The following USP42 variants were observed in gnomAD, a reference collection of about 807,000 sequenced individuals.
The protein encoded by USP42 is ubiquitin specific peptidase 42, also known as ubiquitin carboxyl-terminal hydrolase 42.
USP42 carries 23 observed loss-of-function variants against 113.0 expected under a neutral mutation model. The observed-to-expected ratio is 0.20, with a 90% CI of 0.15 to 0.29. The LOEUF (loss-of-function observed/expected upper bound fraction) is 0.29. Ranked by LOEUF, USP42 falls within the 10% of genes least tolerant of loss-of-function variation. The pLI is 1.00. For missense variants in USP42, 2,174 were observed against 1,779.8 expected (o/e 1.22, Z -3.99); for synonymous variants, 933 against 699.0 (o/e 1.33, Z -5.28).
upstream of USP42, among the ~76,000 whole-genome samples, chr7:6,101,993 A>T (rs952734232): frequency 4.7e-5 from 7 of 150,214 alleles, no homozygotes; most frequent in South Asian, 8.3e-4. Context: ...GAATTGCTTG[A>T]ACCTGGGAGG....
chr7:6,083,801 T>C, the USP42 span, among the ~76,000 whole-genome samples: 2 of 150,896 alleles, frequency 1.3e-5, no homozygotes, highest in Non-Finnish European at 2.9e-5. Flanking sequence ...CCTCTTTTTT[T>C]CCCCTTCCTT....
chr7:6,145,827 T>C (rs1329211257), intron 10 of USP42, among the ~76,000 whole-genome samples, 171 bp downstream of exon 10: 1 of 152,196 alleles, frequency 6.6e-6, no homozygotes. Context: ...CCCTACACTT[T>C]GGGAGACTGA....
the USP42 span, among the ~76,000 whole-genome samples, chr7:6,085,419 C>T: frequency 6.6e-6 from 1 of 150,648 alleles, no homozygotes; most frequent in Non-Finnish European, 1.5e-5. Flanking sequence ...GCCACCGTGC[C>T]CGGCCACCAT....
In USP42 at chr7:6,158,122, C is replaced by G. The variant is rs572130904; in HGVS notation, c.3943+1067C>G. ...CTTTTTAAGTGGTTGGAAATAATCC[C>G]AAAGAACAATGCGTTTCACATGAAA... On this transcript the variant is annotated intron_variant, in intron 16 of 17. Coordinates refer to ENST00000306177, the MANE Select transcript of USP42 (RefSeq NM_032172.3). The surrounding 1 kb of genome is among the most constrained non-coding windows in gnomAD (Gnocchi z 4.2). Among the ~76,000 whole-genome samples, 1 of 152,310 alleles carries G rather than the reference C, an allele frequency of 6.6e-6. No homozygotes were observed. The highest frequency in any genetic ancestry group is 2.1e-4 in the South Asian group (1 of 4,824).
chr7:6,151,255 A>T (rs1782031548), intron 14 of USP42, among the ~76,000 whole-genome samples: 1 of 152,196 alleles, frequency 6.6e-6, no homozygotes, highest in Admixed American at 6.5e-5. Flanking sequence ...TAGACTCTGG[A>T]AACACTGCAC....
rs1401492454 is a variant in USP42, at chr7:6,111,224, A to G, written c.91A>G (p.Met31Val). 1 of 1,610,586 alleles carries G rather than the reference A, an allele frequency of 6.2e-7. No homozygotes were observed. Among genetic ancestry groups the G allele is most frequent in the Non-Finnish European group, 8.5e-7 (1 of 1,178,350 alleles). ...CTCCGAGGCAGTCTCACCTGGAGAC[A>G]TGGATGCAGGTTCTGCCAGCTGGGG... ...GSSEAVSPGDMDAGSASWGAV... is the reference protein window; with the variant it reads ...GSSEAVSPGDVDAGSASWGAV... Residue 31 changes from methionine (M) to valine (V), a missense_variant, in exon 2 of 18, where the codon ATG becomes GTG. Transcript: ENST00000306177.
the USP42 span, among the ~76,000 whole-genome samples, chr7:6,095,956 A>C: frequency 6.7e-6 from 1 of 150,174 alleles, no homozygotes; most frequent in Non-Finnish European, 1.5e-5. Flanking sequence ...GTAGAGACAG[A>C]GTCTTACTGT....
chr7:6,146,558 G>C (rs917027118), intron 11 of USP42, among the ~76,000 whole-genome samples: 1 of 152,022 alleles, frequency 6.6e-6, no homozygotes, highest in African/African-American at 2.4e-5. Flanking sequence ...TATCTGCTCC[G>C]AAAGTTGAGG....
At chr7:6,116,184 A>G (rs1007696672) in intron 3 of USP42, among the ~76,000 whole-genome samples, 2 of 151,522 alleles carry the variant, frequency 1.3e-5, no homozygotes, top group African/African-American at 4.9e-5. Context: ...TGGCATTTAT[A>G]TCATGTTGGA....
At chr7:6,101,334 A>G (rs910362511), upstream of USP42, among the ~76,000 whole-genome samples, 1 of 151,118 alleles carries the variant, frequency 6.6e-6, no homozygotes, top group Non-Finnish European at 1.5e-5. Flanking sequence ...CCTGACACCT[A>G]TTGTTCCATG....
At chr7:6,104,796 T>C (rs1449335112), upstream of USP42, 2 of 151,418 alleles carry the variant, frequency 1.3e-5, no homozygotes, top group South Asian at 2.1e-4. Context: ...TCGCCGTGCT[T>C]GTTAGCTGCG....
At chr7:6,152,114 C>T (rs1361888080) in intron 14 of USP42, among the ~76,000 whole-genome samples, 1 of 152,198 alleles carries the variant, frequency 6.6e-6, no homozygotes, top group African/African-American at 2.4e-5. Context: ...TGTCATGCAG[C>T]GTCAGTGGCT....
intron 4 of USP42, among the ~76,000 whole-genome samples, chr7:6,137,568 G>C (rs1164966249): frequency 2.0e-5 from 3 of 152,232 alleles, no homozygotes; most frequent in Non-Finnish European, 2.9e-5. Context: ...ATGTTGGCCA[G>C]GCTGGCCTTG....
chr7:6,116,073 C>T (rs1779894706), intron 3 of USP42, among the ~76,000 whole-genome samples: 1 of 146,810 alleles, frequency 6.8e-6, no homozygotes, highest in African/African-American at 2.6e-5. Context: ...TGCTGTACTT[C>T]AGCCTAGACA....
chr7:6,154,558 C>CACGGCG lies in USP42; in HGVS notation c.3007_3012dup (p.Gly1003_Asp1004dup), dbSNP rs746044698. 3.1e-5 allele frequency: 48 copies of CACGGCG among 1,551,006 alleles called. 1 individual carries two copies. The Middle Eastern group carries it at 8.5e-4, about 28-fold the overall frequency. On this transcript the variant is annotated inframe_insertion, in exon 15 of 18. Coordinates refer to ENST00000306177, the MANE Select transcript of USP42 (RefSeq NM_032172.3). ...CCACGCCCCGGAGCACCACCCCGGCCACGGCGACAGGCTCAGCCCTGGCGA... is the reference window on the plus strand; with the variant it reads ...CCACGCCCCGGAGCACCACCCCGGCCACGGCGACGGCGACAGGCTCAGCCCTGGCGA...
chr7:6,088,837 G>A, the USP42 span: 3 of 150,830 alleles, frequency 2.0e-5, no homozygotes, highest in East Asian at 1.9e-4. Context: ...GATGATGGAC[G>A]TGGTATGGGA....
chr7:6,107,684 C>T (rs1167153793), intron 1 of USP42, among the ~76,000 whole-genome samples: 1 of 152,140 alleles, frequency 6.6e-6, no homozygotes, highest in African/African-American at 2.4e-5. Context: ...GCTGGGATTA[C>T]AGGTGTGAGC....
chr7:6,135,127 C>A (rs1020169916), intron 3 of USP42, among the ~76,000 whole-genome samples: 8 of 152,066 alleles, frequency 5.3e-5, no homozygotes, highest in African/African-American at 1.7e-4. Context: ...GGGAGACTTT[C>A]TTTTAGTGTT....
intron 1 of USP42, among the ~76,000 whole-genome samples, chr7:6,106,393 A>G (rs1377143240): frequency 6.6e-6 from 1 of 152,238 alleles, no homozygotes; most frequent in Non-Finnish European, 1.5e-5. Flanking sequence ...ACAGTGTCTA[A>G]ATAGTGAAAC....
Sources: allele counts gnomAD v4.1 joint callset (sites outside exome capture counted in the v4.1 genomes callset), GRCh38; gene constraint gnomAD v4.1.1; non-coding constraint Gnocchi (gnomAD v3.1); transcripts MANE v1.5; gene names NCBI Gene and HGNC (gene_info 2026-07-23, HGNC 2026-07-21).